VDAC1: variants seen among roughly 807,000 people sequenced by gnomAD.
VDAC1 encodes voltage dependent anion channel 1, also known as non-selective voltage-gated ion channel VDAC1.
Under a neutral mutation model 34.7 loss-of-function variants are expected in VDAC1, and 10 were observed. That is an observed-to-expected ratio of 0.29 (90% CI 0.18 to 0.49). The LOEUF (loss-of-function observed/expected upper bound fraction) is 0.49, where lower values mean the gene tolerates loss of function less well. VDAC1 is among the 20% of genes least tolerant of loss of function. The pLI, the probability that VDAC1 is intolerant of heterozygous loss-of-function variation, is 0.99. For missense variants in VDAC1, 230 were observed against 347.9 expected, an observed-to-expected ratio of 0.66 and a Z score of 2.69; for synonymous variants, 130 against 136.0, an observed-to-expected ratio of 0.96 and a Z score of 0.30.
the VDAC1 span, among the ~76,000 whole-genome samples, chr5:134,043,931 A>C: frequency 6.6e-6 from 1 of 152,034 alleles, no homozygotes; most frequent in African/African-American, 2.4e-5. Context: ...CTCTCACCTA[A>C]TCCTCACTCC....
the VDAC1 span, among the ~76,000 whole-genome samples, chr5:134,016,364 C>A: frequency 2.0e-5 from 3 of 152,164 alleles, no homozygotes; most frequent in Admixed American, 2.0e-4. Flanking sequence ...CCAGAAAATT[C>A]TGAGTTGAGA....
chr5:134,089,146 G>A, the VDAC1 span, among the ~76,000 whole-genome samples: 8 of 152,218 alleles, frequency 5.3e-5, no homozygotes, highest in African/African-American at 1.9e-4. Flanking sequence ...TCTCCAGATG[G>A]CCACCTGCAG....
At chr5:134,059,351 C>T in the VDAC1 span, among the ~76,000 whole-genome samples, 2 of 152,190 alleles carry the variant, frequency 1.3e-5, no homozygotes, top group African/African-American at 4.8e-5. Flanking sequence ...GCTTCCTTGG[C>T]TCTAGACCAA....
At chr5:134,056,969 G>C in the VDAC1 span, among the ~76,000 whole-genome samples, 1 of 151,742 alleles carries the variant, frequency 6.6e-6, no homozygotes, top group Admixed American at 6.6e-5. Context: ...GATTACAGGC[G>C]TGAGCCACCA....
chr5:134,077,275 TCAA>T, the VDAC1 span, among the ~76,000 whole-genome samples: 1 of 41,988 alleles, frequency 2.4e-5, no homozygotes, highest in Admixed American at 3.3e-4. Flanking sequence ...AGACTCCATC[TCAA>T]AAAAAAAAAA....
At chr5:133,983,302 A>G (rs2126935207) in intron 5 of VDAC1, among the ~76,000 whole-genome samples, 1 of 152,216 alleles carries the variant, frequency 6.6e-6, no homozygotes, top group South Asian at 2.1e-4. Flanking sequence ...TATAATAATA[A>G]TATCATGGTT....
At chr5:134,020,464 A>G in the VDAC1 span, among the ~76,000 whole-genome samples, 2 of 151,850 alleles carry the variant, frequency 1.3e-5, no homozygotes, top group African/African-American at 4.8e-5. Context: ...AACCCCAAAC[A>G]TAAACTTCCC....
chr5:134,019,346 G>A, the VDAC1 span, among the ~76,000 whole-genome samples: 1 of 152,150 alleles, frequency 6.6e-6, no homozygotes. Flanking sequence ...GGGAGTCTAA[G>A]GGAGGCGGAT....
At chr5:133,977,894 T>A (rs2126907868) in intron 6 of VDAC1, among the ~76,000 whole-genome samples, 1 of 152,180 alleles carries the variant, frequency 6.6e-6, no homozygotes, top group South Asian at 2.1e-4. Context: ...TTAAGAAAAA[T>A]TTTAATGCTG....
At chr5:134,089,255 C>T in the VDAC1 span, among the ~76,000 whole-genome samples, 3 of 152,228 alleles carry the variant, frequency 2.0e-5, no homozygotes, top group Non-Finnish European at 4.4e-5. Context: ...CCAGCCTCAG[C>T]GCAGATGACT....
At chr5:134,010,091 A>G in the VDAC1 span, among the ~76,000 whole-genome samples, 2 of 152,200 alleles carry the variant, frequency 1.3e-5, no homozygotes, top group African/African-American at 4.8e-5. Flanking sequence ...AAGTGATACA[A>G]TCCTTCTGAA....
the VDAC1 span, among the ~76,000 whole-genome samples, chr5:134,056,192 TA>T: frequency 7.1e-6 from 1 of 141,230 alleles, no homozygotes; most frequent in Non-Finnish European, 1.5e-5. Flanking sequence ...AGTGAGCCGA[TA>T]TAGCACCATT....
chr5:134,043,521 CT>C, the VDAC1 span, among the ~76,000 whole-genome samples: 1 of 148,778 alleles, frequency 6.7e-6, no homozygotes, highest in Admixed American at 6.8e-5. Flanking sequence ...GCTGGGTAGA[CT>C]TTTCTTTTTT....
At chr5:134,037,980 A>G in the VDAC1 span, among the ~76,000 whole-genome samples, 1 of 152,248 alleles carries the variant, frequency 6.6e-6, no homozygotes, top group Non-Finnish European at 1.5e-5. Flanking sequence ...AACTAAAATT[A>G]TTCCAAAATA....
At chr5:134,072,795 T>C in the VDAC1 span, among the ~76,000 whole-genome samples, 1 of 152,200 alleles carries the variant, frequency 6.6e-6, no homozygotes, top group African/African-American at 2.4e-5. Context: ...TGTGACCTCC[T>C]GCAGTCCAGC....
At chr5:134,031,602 G>A in the VDAC1 span, among the ~76,000 whole-genome samples, 1 of 152,118 alleles carries the variant, frequency 6.6e-6, no homozygotes, top group Admixed American at 6.6e-5. Context: ...CGAGGCAGGT[G>A]GATTGTCTGA....
At chr5:134,071,266 G>A in the VDAC1 span, among the ~76,000 whole-genome samples, 1 of 152,228 alleles carries the variant, frequency 6.6e-6, no homozygotes, top group African/African-American at 2.4e-5. The surrounding 1 kb of genome is among the most constrained non-coding windows in gnomAD (Gnocchi z 4.1). Context: ...ACGCAGCGGG[G>A]GCGGCGCCGT....
At chr5:134,019,297 G>C in the VDAC1 span, among the ~76,000 whole-genome samples, 1 of 152,220 alleles carries the variant, frequency 6.6e-6, no homozygotes, top group South Asian at 2.1e-4. Context: ...CACAACTTTG[G>C]CCAGCCACAG....
chr5:134,088,827 C>A, the VDAC1 span, among the ~76,000 whole-genome samples: 1 of 152,124 alleles, frequency 6.6e-6, no homozygotes, highest in Non-Finnish European at 1.5e-5. Flanking sequence ...TCCAAGTTTT[C>A]CCCCAAGCTT....
Sources: gnomAD v4.1 joint callset for allele counts (sites outside exome capture counted in the v4.1 genomes callset) on GRCh38, gnomAD v4.1.1 for gene constraint, Gnocchi (gnomAD v3.1) non-coding constraint, MANE v1.5 for transcripts, NCBI Gene and HGNC (gene_info 2026-07-23, HGNC 2026-07-21) for gene names.